Variants in OVOL2 observed in about 807,000 individuals in gnomAD.
OVOL2 encodes ovo like zinc finger 2, also known as transcription factor Ovo-like 2.
Under a neutral mutation model 18.1 loss-of-function variants are expected in OVOL2, and 13 were observed. The observed-to-expected ratio is 0.72, with a 90% CI of 0.47 to 1.14. The LOEUF (loss-of-function observed/expected upper bound fraction) is 1.14, where lower values mean the gene tolerates loss of function less well. Among genes scored for constraint, OVOL2 ranks in the 50% most tolerant of loss-of-function variants. OVOL2 has a pLI of 0.00. For synonymous variants in OVOL2, 166 were observed against 162.7 expected, an observed-to-expected ratio of 1.02 and a Z score of -0.16; for missense variants, 335 against 383.0, an observed-to-expected ratio of 0.87 and a Z score of 1.05.
At position 18,043,378 on chromosome 20, in the gene OVOL2, T is replaced by C. The variant is rs571793850; in HGVS notation, c.322-1655A>G. On this transcript the variant is annotated intron_variant, in intron 2 of 3. Transcript: ENST00000278780. ...TGTCAGTTCCAGGTTTTAAGAGACC[T>C]TGTAGCTTCCATTTCTTCCCTCTTA... 3.9e-5 allele frequency among the ~76,000 whole-genome samples: 6 copies of C among 152,328 alleles called. No homozygotes were observed. The South Asian group carries it at 1.0e-3, about 26-fold the overall frequency.
At chr20:18,041,805 G>A (rs2036672872) in intron 2 of OVOL2, 82 bp from the exon 3 acceptor site, 2 of 1,325,500 alleles carry the variant, frequency 1.5e-6, no homozygotes, top group Admixed American at 2.2e-5. Flanking sequence ...ACCTCCCTGT[G>A]TCTTGAGGCT....
intron 3 of OVOL2, among the ~76,000 whole-genome samples, chr20:18,038,131 G>A (rs1238970700): frequency 2.0e-5 from 3 of 152,070 alleles, no homozygotes; most frequent in African/African-American, 4.8e-5. Context: ...CTGGCATATC[G>A]GCTGTTTCAC....
Position 18,024,476 on chromosome 20 carries a change from C to A in OVOL2, c.*160G>T. The A allele has an allele frequency of 7.1e-7, 1 of 1,400,702 alleles. No individual in the cohort carries two copies. The highest frequency in any genetic ancestry group is 9.3e-7 in the Non-Finnish European group (1 of 1,069,544). 86.8% of individuals were successfully genotyped at this position (1,400,702 alleles called of 1,614,324 possible). A position where few individuals can be genotyped will look rare whatever the true frequency, so the allele number is the denominator to read the frequency against. ...GCCTGACGTCACTAACGGCAACTGACAATCTTGGAATGGACCCTACTGCTG... is the reference window on the plus strand; with the variant it reads ...GCCTGACGTCACTAACGGCAACTGAAAATCTTGGAATGGACCCTACTGCTG... On this transcript the variant is annotated 3_prime_UTR_variant, in exon 4 of 4. Transcript: ENST00000278780.
Position 18,056,726 on chromosome 20 carries a change from G to A in OVOL2, c.252C>T (p.Pro84=). ...PHAPESETPE[P]GDAEGPDGHL... is the part of the protein sequence containing the mutation. Reference sequence around the variant, plus strand: ...GTCCATCGGGGCCCTCGGCGTCGCCGGGCTCGGGGGTTTCGCTCTCGGGGG... The same window carrying A: ...GTCCATCGGGGCCCTCGGCGTCGCCAGGCTCGGGGGTTTCGCTCTCGGGGG... Residue 84 remains proline, a synonymous_variant, in exon 2 of 4, where the codon CCC becomes CCT. Transcript: ENST00000278780. This position sits in a 1 kb window ranked among gnomAD's most constrained non-coding sequence, Gnocchi z 4.2. 2.7e-6 allele frequency: 4 copies of A among 1,468,010 alleles called. No homozygotes were observed. The highest frequency in any genetic ancestry group is 2.8e-5 in the East Asian group (1 of 35,454). 90.9% of individuals were successfully genotyped at this position (1,468,010 alleles called of 1,614,324 possible).
rs575556880 is a variant in OVOL2, at chr20:18,057,790, C to G, written c.-156G>C. On this transcript the variant is annotated 5_prime_UTR_variant, in exon 1 of 4. Coordinates refer to ENST00000278780, the MANE Select transcript of OVOL2 (RefSeq NM_021220.4). The surrounding 1 kb of genome is among the most constrained non-coding windows in gnomAD (Gnocchi z 6.3). Reference sequence around the variant, plus strand: ...ACCCCCCGCCGCGGCGCGGCCCAGGCCTCTCCCCCGCACGCCTGGCGACTC... The same window carrying G: ...ACCCCCCGCCGCGGCGCGGCCCAGGGCTCTCCCCCGCACGCCTGGCGACTC... 282 of 1,385,990 alleles carry G rather than the reference C, an allele frequency of 2.0e-4. 2 individuals are homozygous for G. In the African/African-American group the frequency reaches 3.7e-3, roughly 18 times the overall value. 85.9% of individuals were successfully genotyped at this position (1,385,990 alleles called of 1,614,324 possible).
chr20:18,057,662 C>T lies in OVOL2; in HGVS notation c.-28G>A, dbSNP rs372398460. 1.9e-6 allele frequency: 3 copies of T among 1,544,812 alleles called. No homozygotes were observed. Among genetic ancestry groups the T allele is most frequent in the South Asian group, 1.2e-5 (1 of 83,780 alleles). On this transcript the variant is annotated 5_prime_UTR_variant, in exon 1 of 4. Transcript: ENST00000278780. The surrounding 1 kb of genome is among the most constrained non-coding windows in gnomAD (Gnocchi z 6.3). The stretch of plus-strand genomic sequence containing the variant: ...TGGGGTCCCCTCTCCCGACTGCGGC[C>T]CCCTCCTCCCGGCTGCTCCCCGCTA...
At chr20:18,055,803 G>C (rs1410772583) in intron 2 of OVOL2, among the ~76,000 whole-genome samples, 1 of 152,182 alleles carries the variant, frequency 6.6e-6, no homozygotes, top group African/African-American at 2.4e-5. Flanking sequence ...CGGCCCACCA[G>C]GCTAGAAAGA....
At chr20:18,029,852 C>T (rs1249089661) in intron 3 of OVOL2, among the ~76,000 whole-genome samples, 1 of 151,836 alleles carries the variant, frequency 6.6e-6, no homozygotes, top group Non-Finnish European at 1.5e-5. Context: ...GGTGGCATGC[C>T]CCTGTGGTCC....
chr20:18,045,599 T>C (rs2036718488), intron 2 of OVOL2, among the ~76,000 whole-genome samples: 1 of 152,218 alleles, frequency 6.6e-6, no homozygotes, highest in African/African-American at 2.4e-5. Flanking sequence ...ACAGGGCCAG[T>C]AGATCATCTG....
Position 18,024,690 on chromosome 20 carries a change from C to G in OVOL2, c.774G>C (p.Leu258=). 1 of 1,614,028 alleles carries G rather than the reference C, an allele frequency of 6.2e-7. No homozygotes were observed. The highest frequency in any genetic ancestry group is 8.5e-7 in the Non-Finnish European group (1 of 1,179,984). The part of the protein sequence containing the change: ...KKLAALLQGK[L]TSAHQENTSL... ...TGGTATTCTCCTGGTGTGCGGATGT[C>G]AGCTTGCCCTGCAGAAGGGCTGCCA... is the stretch of plus-strand genomic sequence containing the variant. The change falls in exon 4 of 4, where the codon CTG becomes CTC. Residue 258 remains leucine (L), a synonymous_variant. Coordinates refer to ENST00000278780, the MANE Select transcript of OVOL2 (RefSeq NM_021220.4).
In OVOL2 at chr20:18,032,329, GAGAAAGAAAGAA is replaced by G. The variant is rs147231866; in HGVS notation, c.512-7389_512-7378del. Among the ~76,000 whole-genome samples, 10 of 144,356 alleles carry G rather than the reference GAGAAAGAAAGAA, an allele frequency of 6.9e-5. No homozygotes were observed. The South Asian group carries it at 1.8e-3, about 25-fold the overall frequency. 94.7% of individuals were successfully genotyped at this position (144,356 alleles called of 152,430 possible). On this transcript the variant is annotated intron_variant, in intron 3 of 3. Coordinates refer to ENST00000278780, the MANE Select transcript of OVOL2 (RefSeq NM_021220.4). Reference sequence around the variant, plus strand: ...AAGGAGAGAGAGAGAGAAAGAAAGAGAGAAAGAAAGAAAGGAAAGAAAAGAAAAGAAAAAAGA... The same window carrying G: ...AAGGAGAGAGAGAGAGAAAGAAAGAGAGGAAAGAAAAGAAAAGAAAAAAGA...
chr20:18,044,639 C>A (rs2036708375), intron 2 of OVOL2, among the ~76,000 whole-genome samples: 2 of 152,132 alleles, frequency 1.3e-5, no homozygotes, highest in African/African-American at 4.8e-5. Flanking sequence ...ATGGCTTAAT[C>A]CCCAGTCCCT....
At chr20:18,029,851 C>T (rs1449208759) in intron 3 of OVOL2, among the ~76,000 whole-genome samples, 1 of 151,986 alleles carries the variant, frequency 6.6e-6, no homozygotes, top group African/African-American at 2.4e-5. Flanking sequence ...TGGTGGCATG[C>T]CCCTGTGGTC....
At chr20:18,037,556 A>G (rs1219609610) in intron 3 of OVOL2, among the ~76,000 whole-genome samples, 1 of 152,206 alleles carries the variant, frequency 6.6e-6, no homozygotes, top group African/African-American at 2.4e-5. Context: ...CGGATGCCCC[A>G]CTCATATCCC....
chr20:18,046,464 G>A lies in OVOL2; in HGVS notation c.322-4741C>T, dbSNP rs182461553. ...CCCCCAGAAGACTCCAGCCTCAGCC[G>A]CCATCTGACTGCAACCACAAGGCAA... is the stretch of plus-strand genomic sequence containing the variant. On this transcript the variant is annotated intron_variant, in intron 2 of 3. Coordinates refer to ENST00000278780, the MANE Select transcript of OVOL2 (RefSeq NM_021220.4). Among the ~76,000 whole-genome samples the A allele has an allele frequency of 2.1e-3, 320 of 152,254 alleles. 2 individuals are homozygous for A. The highest frequency in any genetic ancestry group is 7.2e-3 in the African/African-American group (301 of 41,544).
At chr20:18,031,864 C>A (rs1034961249) in intron 3 of OVOL2, among the ~76,000 whole-genome samples, 28 of 152,132 alleles carry the variant, frequency 1.8e-4, no homozygotes, top group Non-Finnish European at 3.2e-4. Context: ...CCCCTAATAG[C>A]AAATCAAGCT....
chr20:18,039,214 G>A (rs893041374), intron 3 of OVOL2, among the ~76,000 whole-genome samples: 1 of 152,238 alleles, frequency 6.6e-6, no homozygotes, highest in African/African-American at 2.4e-5. Context: ...TGGTCTGACT[G>A]CTAGTCGCAT....
At chr20:18,044,643 A>C (rs533521074) in intron 2 of OVOL2, among the ~76,000 whole-genome samples, 1 of 152,328 alleles carries the variant, frequency 6.6e-6, no homozygotes, top group East Asian at 1.9e-4. Flanking sequence ...CTTAATCCCC[A>C]GTCCCTAGGA....
intron 3 of OVOL2, among the ~76,000 whole-genome samples, chr20:18,027,003 G>A (rs986040494): frequency 3.9e-5 from 6 of 152,114 alleles, no homozygotes; most frequent in Non-Finnish European, 8.8e-5. Context: ...GGTACTACGC[G>A]CACTACCTGG....
Sources: gnomAD v4.1 joint callset for allele counts (sites outside exome capture counted in the v4.1 genomes callset) on GRCh38, gnomAD v4.1.1 for gene constraint, Gnocchi (gnomAD v3.1) non-coding constraint, MANE v1.5 for transcripts, NCBI Gene and HGNC (gene_info 2026-07-23, HGNC 2026-07-21) for gene names.